VCP: variants seen among roughly 807,000 people sequenced by gnomAD.
The protein encoded by VCP is valosin containing protein.
Under a neutral mutation model 85.7 loss-of-function variants are expected in VCP, and 6 were observed. The observed-to-expected ratio is 0.07, with a 90% CI of 0.04 to 0.14. The LOEUF (loss-of-function observed/expected upper bound fraction) is 0.14. Among genes scored for constraint, VCP ranks in the 10% least tolerant of loss-of-function variants. The pLI, the probability that VCP is intolerant of heterozygous loss-of-function variation, is 1.00. For synonymous variants in VCP, 384 were observed against 367.1 expected (o/e 1.05, Z -0.53); for missense variants, 353 against 1,043.4 (o/e 0.34, Z 9.12).
chr9:35,061,882 A>G, intron 9 of VCP, 121 bp downstream of exon 9: 1 of 1,562,288 alleles, frequency 6.4e-7, no homozygotes, highest in Non-Finnish European at 8.7e-7. Context: ...GACGTAGGGT[A>G]AAGGAAAAAG....
Position 35,059,478 on chromosome 9 carries a change from T to A in VCP, c.2004+15A>T. On this transcript the variant is annotated intron_variant, in intron 14 of 16. Transcript: ENST00000358901. This position sits in a 1 kb window ranked among gnomAD's most constrained non-coding sequence, Gnocchi z 4.9. Reference sequence around the variant, plus strand: ...ACTCATGCAAGTCTCCCACAGCCCATGATCTTGCACCTGCCTTGGCAACTG... The same window carrying A: ...ACTCATGCAAGTCTCCCACAGCCCAAGATCTTGCACCTGCCTTGGCAACTG... The A allele has an allele frequency of 6.2e-7, 1 of 1,613,518 alleles. No individual in the cohort carries two copies.
chr9:35,061,719 G>T, intron 9 of VCP, 30 bp from the exon 10 acceptor site: 1 of 585,662 alleles, frequency 1.7e-6, no homozygotes, highest in Non-Finnish European at 3.0e-6. Context: ...CATAAACAGG[G>T]CTCATCTCTA....
At position 35,056,803 on chromosome 9, in the gene VCP, C is replaced by A. The variant is rs1828616377; in HGVS notation, c.*314G>T. The A allele has an allele frequency of 2.6e-6, 1 of 384,844 alleles. No homozygotes were observed. The highest frequency in any genetic ancestry group is 2.1e-5 in the African/African-American group (1 of 48,058). The allele number at this position is 384,844 out of a possible 1,614,324, so 23.8% of individuals were successfully genotyped here. A position where few individuals can be genotyped will look rare whatever the true frequency, so the allele number is the denominator to read the frequency against. ...TTTACTGTGGCAGGTGGCAGTAGTGCCTTGGTTCACACCCCACACAGGTCC... is the reference window on the plus strand; with the variant it reads ...TTTACTGTGGCAGGTGGCAGTAGTGACTTGGTTCACACCCCACACAGGTCC... On this transcript the variant is annotated 3_prime_UTR_variant, in exon 17 of 17. Coordinates refer to ENST00000358901, the MANE Select transcript of VCP (RefSeq NM_007126.5).
In VCP at chr9:35,065,389, A is replaced by G. The variant is rs1828808981; in HGVS notation, c.446-8T>C. 1.2e-6 allele frequency: 2 copies of G among 1,614,174 alleles called. No homozygotes were observed. Among genetic ancestry groups the G allele is most frequent in the South Asian group, 1.1e-5 (1 of 91,082 alleles). ...GGACAAGAAAAATGTCTCCTGCGAG[A>G]GCAAACAGTACAAGCACAGTTAGAG... On this transcript the variant is annotated splice_region_variant and splice_polypyrimidine_tract_variant and intron_variant, in intron 4 of 16. Coordinates refer to ENST00000358901, the MANE Select transcript of VCP (RefSeq NM_007126.5).
In VCP at chr9:35,059,571, G is replaced by A; in HGVS notation, c.1926C>T (p.Leu642=). The change falls in exon 14 of 17, where the codon CTC becomes CTT. Residue 642 remains leucine (L), a synonymous_variant. Transcript: ENST00000358901. The surrounding 1 kb of genome is among the most constrained non-coding windows in gnomAD (Gnocchi z 4.9). ...AILRPGRLDQ[L]IYIPLPDEKS... ...TCTCATCAGGAAGTGGGATGTAGATGAGCTGATCAAGACGGCCAGGTCTGA... is the reference window on the plus strand; with the variant it reads ...TCTCATCAGGAAGTGGGATGTAGATAAGCTGATCAAGACGGCCAGGTCTGA... The A allele has an allele frequency of 6.2e-7, 1 of 1,614,214 alleles. No homozygotes were observed. Among genetic ancestry groups the A allele is most frequent in the Middle Eastern group, 1.6e-4 (1 of 6,062 alleles).
intron 1 of VCP, among the ~76,000 whole-genome samples, chr9:35,071,243 C>T (rs1233486970): frequency 2.0e-5 from 3 of 147,554 alleles, no homozygotes; most frequent in Admixed American, 6.7e-5. Context: ...AAAAACTAAT[C>T]TCTTCAAGGA....
At chr9:35,060,110 AAC>A (rs1828692089) in intron 13 of VCP, among the ~76,000 whole-genome samples, 1 of 151,342 alleles carries the variant, frequency 6.6e-6, no homozygotes, top group Non-Finnish European at 1.5e-5. Context: ...CAACCTGGGC[AAC>A]AGAGCCAGAC....
chr9:35,071,933 C>A (rs548785573), intron 1 of VCP: 3 of 1,037,232 alleles, frequency 2.9e-6, no homozygotes, highest in Non-Finnish European at 3.5e-6. Flanking sequence ...CTGCTCTCTC[C>A]GGGGACCAAA....
At chr9:35,061,859 TC>T in intron 9 of VCP, 143 bp downstream of exon 9, 1 of 1,509,240 alleles carries the variant, frequency 6.6e-7, no homozygotes, top group Non-Finnish European at 9.1e-7. Context: ...GGGTGGTTGG[TC>T]ACTCTAGACA....
Position 35,062,021 on chromosome 9 carries a change from G to T in VCP, c.1063C>A (p.Pro355Thr), listed in dbSNP as rs1269871658. 17 of 1,614,180 alleles carry T rather than the reference G, an allele frequency of 1.1e-5. No individual in the cohort carries two copies. Among genetic ancestry groups the T allele is most frequent in the Non-Finnish European group, 1.4e-5 (17 of 1,180,026 alleles). The change falls in exon 9 of 17, where the codon CCA becomes ACA. Residue 355 changes from proline (P) to threonine (T), a missense_variant. Pro to Thr is a conservative substitution (Grantham distance 38). Around this residue, in one of 8 missense-constraint regions of VCP, gnomAD observed 85 missense variants for 345.2 expected, o/e 0.25. Coordinates refer to ENST00000358901, the MANE Select transcript of VCP (RefSeq NM_007126.5). ...AATNRPNSID[P>T]ALRRFGRFDR... ...TCCTTACCAAATCGCCGTAGAGCTG[G>T]GTCAATGCTGTTGGGTCTGTTGGTT...
rs1828978989 is a variant in VCP at position 35,072,440 on chromosome 9, G to C, written c.-87C>G. The C allele has an allele frequency of 2.9e-6, 4 of 1,378,858 alleles. No individual in the cohort carries two copies. The highest frequency in any genetic ancestry group is 3.0e-5 in the East Asian group (1 of 32,816). The allele number at this position is 1,378,858 out of a possible 1,614,324, so 85.4% of individuals were successfully genotyped here. On this transcript the variant is annotated 5_prime_UTR_variant, in exon 1 of 17. Transcript: ENST00000358901. ...CAAGCGACCGACTGGGCCGGGGCTC[G>C]GCTCTTCCAGGCGGTGGGCGAGCAG... is the stretch of plus-strand genomic sequence containing the variant.
rs768951162 is a variant in VCP at position 35,059,721 on chromosome 9, A to G, written c.1776T>C (p.Asp592=). ...TGACTCGGTCAGCAGCCCCACCACC[A>G]TCTCCAATGTTACCTCCACGAGCCT... The part of the protein sequence containing the change: ...IAKARGGNIG[D]GGGAADRVIN... Residue 592 remains aspartate (D), a synonymous_variant, in exon 14 of 17, where the codon GAT becomes GAC. Coordinates refer to ENST00000358901, the MANE Select transcript of VCP (RefSeq NM_007126.5). The surrounding 1 kb of genome is among the most constrained non-coding windows in gnomAD (Gnocchi z 4.9). 6.2e-6 allele frequency: 10 copies of G among 1,613,968 alleles called. No homozygotes were observed. The highest frequency in any genetic ancestry group is 1.3e-5 in the African/African-American group (1 of 74,872).
intron 1 of VCP, among the ~76,000 whole-genome samples, chr9:35,071,378 T>C (rs1157766776): frequency 7.0e-6 from 1 of 142,860 alleles, no homozygotes; most frequent in East Asian, 2.5e-4. Flanking sequence ...AAGTTTTATC[T>C]AACGCTTTCC....
chr9:35,059,870 C>A lies in VCP; in HGVS notation c.1696-69G>T, dbSNP rs1416694762. 6.2e-7 allele frequency: 1 copy of A among 1,601,780 alleles called. No homozygotes were observed. The highest frequency in any genetic ancestry group is 1.1e-5 in the South Asian group (1 of 90,348). ...GTCTCTAGGCAAACGTGGTGGCTCA[C>A]ACCTGTATTCCCAGCACTTTGGGAG... On this transcript the variant is annotated intron_variant, in intron 13 of 16. Coordinates refer to ENST00000358901, the MANE Select transcript of VCP (RefSeq NM_007126.5). This position sits in a 1 kb window ranked among gnomAD's most constrained non-coding sequence, Gnocchi z 4.9.
At chr9:35,070,369 A>G (rs1164166416) in intron 1 of VCP, among the ~76,000 whole-genome samples, 2 of 152,190 alleles carry the variant, frequency 1.3e-5, no homozygotes, top group African/African-American at 4.8e-5. Flanking sequence ...GGGACTGCCC[A>G]TCTTCTTGCT....
At chr9:35,070,326 C>T (rs1285688754) in intron 1 of VCP, among the ~76,000 whole-genome samples, 1 of 152,194 alleles carries the variant, frequency 6.6e-6, no homozygotes, top group Non-Finnish European at 1.5e-5. Context: ...CCCACGAGCT[C>T]TCCCACTCCT....
intron 1 of VCP, chr9:35,072,086 A>G (rs1349906119): frequency 4.5e-6 from 6 of 1,323,202 alleles, no homozygotes; most frequent in Non-Finnish European, 5.8e-6. Context: ...GGCCTGCATG[A>G]CACAGCACGA....
rs1828671869 is a variant in VCP at position 35,059,196 on chromosome 9, A to G, written c.2028T>C (p.Ala676=). 1 of 1,614,082 alleles carries G rather than the reference A, an allele frequency of 6.2e-7. No individual in the cohort carries two copies. The highest frequency in any genetic ancestry group is 1.7e-5 in the Admixed American group (1 of 60,006). Residue 676 remains alanine, a synonymous_variant, in exon 15 of 17, where the codon GCT becomes GCC. Coordinates refer to ENST00000358901, the MANE Select transcript of VCP (RefSeq NM_007126.5). This position sits in a 1 kb window ranked among gnomAD's most constrained non-coding sequence, Gnocchi z 4.9. Reference sequence around the variant, plus strand: ...CTCCAGAGAAGCCATTAGTCATTTTAGCCAGGAACTCCAAGTCCACATCCT... The same window carrying G: ...CTCCAGAGAAGCCATTAGTCATTTTGGCCAGGAACTCCAAGTCCACATCCT... The part of the protein sequence containing the change: ...VAKDVDLEFL[A]KMTNGFSGAD...
chr9:35,071,966 G>A, intron 1 of VCP: 1 of 1,072,512 alleles, frequency 9.3e-7, no homozygotes, highest in Non-Finnish European at 1.1e-6. Flanking sequence ...GTGGTAGGCC[G>A]GACGGCAGAC....
Sources: gnomAD v4.1 joint callset for allele counts (sites outside exome capture counted in the v4.1 genomes callset) on GRCh38, gnomAD v4.1.1 for gene constraint, gnomAD v4.1.1 regional missense constraint, Gnocchi (gnomAD v3.1) non-coding constraint, MANE v1.5 for transcripts, NCBI Gene and HGNC (gene_info 2026-07-23, HGNC 2026-07-21) for gene names.